VPS41: variants seen among roughly 807,000 people sequenced by gnomAD.
VPS41 encodes vacuolar protein sorting-associated protein 41 homolog.
VPS41 carries 85 observed loss-of-function variants against 130.9 expected under a neutral mutation model. The observed-to-expected ratio is 0.65, with a 90% CI of 0.55 to 0.78. The LOEUF is 0.78. Among genes scored for constraint, VPS41 ranks in the 30% least tolerant of loss-of-function variants. The probability of loss-of-function intolerance (pLI) is 0.00; values close to 1 mark genes in which losing one functional copy is unlikely to be tolerated. For missense variants in VPS41, 874 were observed against 1,018.7 expected (o/e 0.86, Z 1.93); for synonymous variants, 335 against 332.9 (o/e 1.01, Z -0.07).
intron 5 of VPS41, among the ~76,000 whole-genome samples, chr7:38,824,125 C>A (rs780943372): frequency 1.3e-5 from 2 of 152,178 alleles, no homozygotes; most frequent in Non-Finnish European, 2.9e-5. Flanking sequence ...AATACCTGCT[C>A]AACTAGCAAG....
intron 1 of VPS41, among the ~76,000 whole-genome samples, chr7:38,907,356 A>C (rs1787291615): frequency 6.6e-6 from 1 of 152,136 alleles, no homozygotes; most frequent in Non-Finnish European, 1.5e-5. Context: ...AGGGAAGGAG[A>C]GTAGTGGGAA....
Position 38,830,247 on chromosome 7 carries a change from GC to G in VPS41, c.321+6del. The G allele has an allele frequency of 6.2e-7, 1 of 1,601,868 alleles. No homozygotes were observed. Among genetic ancestry groups the G allele is most frequent in the Non-Finnish European group, 8.6e-7 (1 of 1,168,774 alleles). On this transcript the variant is annotated splice_donor_region_variant and intron_variant, in intron 5 of 28. Transcript: ENST00000310301. ...GAACTCTCTGCATGACCACATCTTT[GC>G]CATACCTTGCCATCCTCTGAACACA...
chr7:38,767,403 A>G lies in VPS41; in HGVS notation c.1247+134T>C, dbSNP rs192757254. ...TATTCAAAAATTATAATTTAAAAATAATATTCAAAAATTACCCTCGTTAGA... is the reference window on the plus strand; with the variant it reads ...TATTCAAAAATTATAATTTAAAAATGATATTCAAAAATTACCCTCGTTAGA... On this transcript the variant is annotated intron_variant, in intron 15 of 28. Coordinates refer to ENST00000310301, the MANE Select transcript of VPS41 (RefSeq NM_014396.4). The G allele has an allele frequency of 3.5e-5, 16 of 457,602 alleles. No individual in the cohort carries two copies. The Admixed American group carries it at 4.1e-4, about 12-fold the overall frequency. 28.3% of individuals were successfully genotyped at this position (457,602 alleles called of 1,614,324 possible). A position where few individuals can be genotyped will look rare whatever the true frequency, so the allele number is the denominator to read the frequency against.
At chr7:38,847,391 T>G (rs1186226417) in intron 4 of VPS41, among the ~76,000 whole-genome samples, 1 of 152,190 alleles carries the variant, frequency 6.6e-6, no homozygotes, top group Non-Finnish European at 1.5e-5. Flanking sequence ...ACAAAATTCT[T>G]CCTTTTTTCC....
At chr7:38,904,806 C>G (rs1562631425) in intron 1 of VPS41, among the ~76,000 whole-genome samples, 1 of 152,170 alleles carries the variant, frequency 6.6e-6, no homozygotes, top group Admixed American at 6.5e-5. Flanking sequence ...CAGAATTCCC[C>G]TAATTTCTAA....
At chr7:38,801,294 C>T (rs904940588) in intron 7 of VPS41, among the ~76,000 whole-genome samples, 2 of 152,206 alleles carry the variant, frequency 1.3e-5, no homozygotes, top group African/African-American at 4.8e-5. Flanking sequence ...CAGACAGGCA[C>T]ATGCCATTCT....
At chr7:38,798,610 T>G (rs1784666762) in intron 7 of VPS41, among the ~76,000 whole-genome samples, 1 of 152,130 alleles carries the variant, frequency 6.6e-6, no homozygotes, top group Non-Finnish European at 1.5e-5. Flanking sequence ...TTAAACATGA[T>G]GAATTGATAA....
At chr7:38,893,825 AAT>A (rs1786917745) in intron 2 of VPS41, among the ~76,000 whole-genome samples, 11 of 152,230 alleles carry the variant, frequency 7.2e-5, no homozygotes, top group Admixed American at 2.0e-4. Flanking sequence ...TTACATTAAT[AAT>A]ACTAACTAAA....
Position 38,754,710 on chromosome 7 carries a change from G to C in VPS41, c.1780C>G (p.Gln594Glu), listed in dbSNP as rs765114320. 1.8e-5 allele frequency: 29 copies of C among 1,613,430 alleles called. No homozygotes were observed. Among genetic ancestry groups the C allele is most frequent in the Non-Finnish European group, 1.4e-5 (16 of 1,179,602 alleles). ...GAGACTGCCATGCTCACCACATGCT[G>C]TAGCTCTGGTCTGTCTTCCAATTCT... The part of the protein sequence containing the change: ...VEELEDRPEL[Q>E]HVYLHKLFKR... Residue 594 changes from glutamine to glutamate, a missense_variant, in exon 21 of 29, where the codon CAG becomes GAG. Gln to Glu is a conservative substitution (Grantham distance 29). Transcript: ENST00000310301.
At chr7:38,737,534 T>C (rs1275441336) in intron 25 of VPS41, among the ~76,000 whole-genome samples, 1 of 152,166 alleles carries the variant, frequency 6.6e-6, no homozygotes, top group African/African-American at 2.4e-5. Flanking sequence ...CAGCACCAAG[T>C]GCACAGGCTT....
intron 2 of VPS41, among the ~76,000 whole-genome samples, chr7:38,879,241 T>G (rs1786551690): frequency 6.6e-6 from 1 of 152,196 alleles, no homozygotes; most frequent in Non-Finnish European, 1.5e-5. Context: ...GATCCAGCGT[T>G]GACCTCTCCC....
chr7:38,730,126 G>C (rs1795633776), intron 25 of VPS41, among the ~76,000 whole-genome samples: 1 of 152,218 alleles, frequency 6.6e-6, no homozygotes, highest in East Asian at 1.9e-4. Context: ...CCACAGCCCA[G>C]CTCTGAGGCT....
In VPS41 at chr7:38,772,571, C is replaced by T. The variant is rs1214554158; in HGVS notation, c.1079G>A (p.Arg360Gln). 2 of 1,613,616 alleles carry T rather than the reference C, an allele frequency of 1.2e-6. No individual in the cohort carries two copies. Among genetic ancestry groups the T allele is most frequent in the East Asian group, 2.2e-5 (1 of 44,802 alleles). The change falls in exon 13 of 29, where the codon CGA (arginine) becomes CAA (glutamine). Residue 360 changes from arginine to glutamine, a missense_variant. Arg to Gln is a conservative substitution (Grantham distance 43, BLOSUM62 1). Transcript: ENST00000310301. ...SPRDVVVAKE[R>Q]DQDDHIDWLL... ...CCAGTCAATGTGATCATCTTGGTCTCGTTCCTTGGCCACTACAACATCTCT... is the reference window on the plus strand; with the variant it reads ...CCAGTCAATGTGATCATCTTGGTCTTGTTCCTTGGCCACTACAACATCTCT...
intron 1 of VPS41, among the ~76,000 whole-genome samples, chr7:38,903,423 G>T (rs950404576): frequency 3.3e-5 from 5 of 152,176 alleles, no homozygotes; most frequent in African/African-American, 1.2e-4. Flanking sequence ...TGTTGGGGAA[G>T]AAAAACAGAA....
At chr7:38,769,618 A>G (rs550476093) in intron 14 of VPS41, among the ~76,000 whole-genome samples, 34 of 152,320 alleles carry the variant, frequency 2.2e-4, no homozygotes, top group Non-Finnish European at 3.8e-4. Context: ...GCACCAAACC[A>G]GAGGCCCAAG....
rs555404379 is a variant in VPS41 at position 38,758,463 on chromosome 7, G to T, written c.1441C>A (p.Arg481=). ...SDYEGFATLI[R]EWPGDLYNNS... ...TTATACAGATCTCCAGGCCATTCTC[G>T]GATCAATGTGGCAAAACCCTAACCA... Residue 481 remains arginine, a synonymous_variant, in exon 18 of 29, where the codon CGA becomes AGA. Coordinates refer to ENST00000310301, the MANE Select transcript of VPS41 (RefSeq NM_014396.4). 1.1e-5 allele frequency: 18 copies of T among 1,612,142 alleles called. No homozygotes were observed. The African/African-American group carries it at 2.3e-4, about 20-fold the overall frequency.
intron 2 of VPS41, among the ~76,000 whole-genome samples, chr7:38,896,854 A>G (rs1787007387): frequency 6.6e-6 from 1 of 152,350 alleles, no homozygotes; most frequent in Non-Finnish European, 1.5e-5. Context: ...AAAAGGAAAA[A>G]TGTAATTCTT....
rs983556832 is a variant in VPS41 at position 38,817,823 on chromosome 7, C to T, written c.444G>A (p.Gly148=). 2 of 1,613,790 alleles carry T rather than the reference C, an allele frequency of 1.2e-6. No individual in the cohort carries two copies. Among genetic ancestry groups the T allele is most frequent in the African/African-American group, 1.3e-5 (1 of 74,918 alleles). The change falls in exon 7 of 29, where the codon GGG becomes GGA. Residue 148 remains glycine (G), a synonymous_variant. Coordinates refer to ENST00000310301, the MANE Select transcript of VPS41 (RefSeq NM_014396.4). ...RSSCKQFVTG[G]KKLLLFERSW... is the part of the protein sequence containing the mutation. ...AGAGACACACAGCACTTACCTTCTT[C>T]CCTCCGGTCACAAACTGCTTGCAAC... is the stretch of plus-strand genomic sequence containing the variant.
chr7:38,768,414 T>C (rs1257951411), intron 14 of VPS41, among the ~76,000 whole-genome samples: 4 of 150,422 alleles, frequency 2.7e-5, no homozygotes, highest in Non-Finnish European at 5.9e-5. Flanking sequence ...AAAAAAAAAA[T>C]GGCAGGAGCC....
Sources: gnomAD v4.1 joint callset for allele counts (sites outside exome capture counted in the v4.1 genomes callset) on GRCh38, gnomAD v4.1.1 for gene constraint, MANE v1.5 for transcripts, NCBI Gene and HGNC (gene_info 2026-07-23, HGNC 2026-07-21) for gene names.